Variants in DPYD observed in about 807,000 individuals in gnomAD.
DPYD encodes dihydropyrimidine dehydrogenase.
A neutral mutation model predicts 116.2 loss-of-function variants in DPYD; 109 were observed. The observed-to-expected ratio is 0.94, with a 90% CI of 0.80 to 1.10. The LOEUF (loss-of-function observed/expected upper bound fraction) is 1.10, where lower values mean the gene tolerates loss of function less well. Ranked by LOEUF, DPYD falls within the 50% of genes least tolerant of loss-of-function variation. DPYD has a pLI of 0.00. For missense variants in DPYD, 1,302 were observed against 1,254.5 expected (o/e 1.04, Z -0.57); for synonymous variants, 440 against 432.0 (o/e 1.02, Z -0.23).
At chr1:97,761,310 A>G (rs1019953136) in intron 3 of DPYD, among the ~76,000 whole-genome samples, 9 of 152,212 alleles carry the variant, frequency 5.9e-5, no homozygotes, top group African/African-American at 2.2e-4. Context: ...GTGAAAAAGG[A>G]GCAATCTGAA....
chr1:97,576,782 G>T (rs1383620051), intron 10 of DPYD, among the ~76,000 whole-genome samples: 10 of 152,140 alleles, frequency 6.6e-5, no homozygotes, highest in Admixed American at 6.5e-4. Context: ...GTGCACTGGG[G>T]ATGGCATGAG....
intron 20 of DPYD, among the ~76,000 whole-genome samples, chr1:97,148,078 G>A (rs1654758547): frequency 6.6e-6 from 1 of 152,100 alleles, no homozygotes; most frequent in African/African-American, 2.4e-5. Flanking sequence ...CTGAATTATG[G>A]AAGCCTGCAA....
intron 20 of DPYD, among the ~76,000 whole-genome samples, chr1:97,155,794 T>A (rs777710689): frequency 1.2e-3 from 182 of 152,328 alleles, no homozygotes; most frequent in Admixed American, 1.6e-3. Context: ...TTCCTTAGTG[T>A]TCTTTTGATC....
intron 16 of DPYD, among the ~76,000 whole-genome samples, chr1:97,316,259 G>C (rs955356430): frequency 2.6e-5 from 4 of 151,610 alleles, no homozygotes; most frequent in African/African-American, 9.7e-5. Context: ...GAAGACTGAG[G>C]AGGGTGGATC....
intron 3 of DPYD, among the ~76,000 whole-genome samples, chr1:97,752,486 T>C (rs944240324): frequency 5.3e-5 from 8 of 152,196 alleles, no homozygotes; most frequent in African/African-American, 1.9e-4. Context: ...AAAATCCCTG[T>C]CTGATCACGA....
intron 18 of DPYD, among the ~76,000 whole-genome samples, chr1:97,291,028 A>G (rs1666116302): frequency 6.6e-6 from 1 of 152,214 alleles, no homozygotes; most frequent in Admixed American, 6.5e-5. Flanking sequence ...TGGGCGAAGG[A>G]CATGAACAGA....
chr1:97,830,719 AAAAG>A (rs1347599126), intron 2 of DPYD, among the ~76,000 whole-genome samples: 1 of 151,986 alleles, frequency 6.6e-6, no homozygotes, highest in Non-Finnish European at 1.5e-5. Flanking sequence ...AAAAAAAAAA[AAAAG>A]AGAGAGAGAG....
chr1:97,405,502 A>G (rs1673605675), intron 14 of DPYD, among the ~76,000 whole-genome samples: 1 of 151,676 alleles, frequency 6.6e-6, no homozygotes, highest in Admixed American at 6.6e-5. Context: ...TACTTTATTT[A>G]TTTATTTATT....
chr1:97,571,367 T>C (rs1652884674), intron 11 of DPYD, among the ~76,000 whole-genome samples: 1 of 152,006 alleles, frequency 6.6e-6, no homozygotes, highest in Non-Finnish European at 1.5e-5. Flanking sequence ...ACTACGCTTT[T>C]TTTTAGTAGA....
chr1:97,216,290 AT>A (rs1553235301), intron 19 of DPYD, among the ~76,000 whole-genome samples: 2 of 63,838 alleles, frequency 3.1e-5, no homozygotes, highest in Non-Finnish European at 5.0e-5. Context: ...AAGCTTTCGA[AT>A]TTTTTTTTTA....
intron 19 of DPYD, among the ~76,000 whole-genome samples, chr1:97,219,842 G>A (rs1660665396): frequency 6.6e-6 from 1 of 152,120 alleles, no homozygotes; most frequent in East Asian, 1.9e-4. Context: ...ATCTAAAATC[G>A]TTATCATGAC....
At chr1:97,079,591 A>G (rs539844725) in intron 22 of DPYD, among the ~76,000 whole-genome samples, 2 of 152,268 alleles carry the variant, frequency 1.3e-5, no homozygotes, top group East Asian at 1.9e-4. Context: ...CAATGAATAC[A>G]TTTGTTTGGA....
chr1:97,237,952 A>C (rs1459752554), intron 18 of DPYD, among the ~76,000 whole-genome samples: 1 of 152,168 alleles, frequency 6.6e-6, no homozygotes, highest in African/African-American at 2.4e-5. Flanking sequence ...GTAAAATTTC[A>C]AAGTGGTATA....
chr1:97,880,727 A>AT (rs1376303093), intron 2 of DPYD, among the ~76,000 whole-genome samples: 5 of 152,068 alleles, frequency 3.3e-5, no homozygotes, highest in South Asian at 2.1e-4. Flanking sequence ...TTAATATTTC[A>AT]TTTTTTTGTT....
chr1:97,652,725 T>C (rs1192775983), intron 8 of DPYD, among the ~76,000 whole-genome samples: 1 of 152,212 alleles, frequency 6.6e-6, no homozygotes, highest in African/African-American at 2.4e-5. Context: ...ATGGTAGGCC[T>C]AAGGCAGTTT....
chr1:97,650,407 T>G (rs1293077822), intron 8 of DPYD, among the ~76,000 whole-genome samples: 1 of 152,176 alleles, frequency 6.6e-6, no homozygotes, highest in Non-Finnish European at 1.5e-5. Flanking sequence ...AGATTTAGTT[T>G]TATGCTAAGA....
chr1:97,373,718 A>G lies in DPYD; in HGVS notation c.1975-74T>C, dbSNP rs1220843883. 37 of 1,275,188 alleles carry G rather than the reference A, an allele frequency of 2.9e-5. No individual in the cohort carries two copies. In the Admixed American group the frequency reaches 6.5e-4, roughly 22 times the overall value. 79.0% of individuals were successfully genotyped at this position (1,275,188 alleles called of 1,614,324 possible). A position where few individuals can be genotyped will look rare whatever the true frequency, so the allele number is the denominator to read the frequency against. On this transcript the variant is annotated intron_variant, in intron 15 of 22. Transcript: ENST00000370192. ...TACCAATAGGCTTTCACCGTTGATA[A>G]CACAAGTCACATTTGTCAAGTGTTA... is the stretch of plus-strand genomic sequence containing the variant.
At chr1:97,629,115 G>A (rs1391021212) in intron 8 of DPYD, among the ~76,000 whole-genome samples, 1 of 151,926 alleles carries the variant, frequency 6.6e-6, no homozygotes, top group African/African-American at 2.4e-5. Flanking sequence ...TCATTTATTT[G>A]ATTTTCTGTT....
At chr1:97,594,866 T>A (rs539041959) in intron 9 of DPYD, among the ~76,000 whole-genome samples, 193 bp downstream of exon 9, 1 of 152,100 alleles carries the variant, frequency 6.6e-6, no homozygotes, top group Non-Finnish European at 1.5e-5. Context: ...GATACTTTAT[T>A]GGAAGAATGA....
Sources: allele counts gnomAD v4.1 joint callset (sites outside exome capture counted in the v4.1 genomes callset), GRCh38; gene constraint gnomAD v4.1.1; transcripts MANE v1.5; gene names NCBI Gene and HGNC (gene_info 2026-07-23, HGNC 2026-07-21).